TC2N: variants seen among roughly 807,000 people sequenced by gnomAD.
TC2N encodes the protein tandem C2 domains, nuclear, also known as tandem C2 domains nuclear protein.
In TC2N, 51 loss-of-function variants were observed where a neutral mutation model predicts 61.9. That is an observed-to-expected ratio of 0.82 (90% CI 0.66 to 1.04). The LOEUF is 1.04. Ranked by LOEUF, TC2N falls within the 50% of genes least tolerant of loss-of-function variation. The pLI, the probability that TC2N is intolerant of heterozygous loss-of-function variation, is 0.00. For synonymous variants in TC2N, 204 were observed against 192.6 expected (o/e 1.06, Z -0.49); for missense variants, 556 against 566.7 (o/e 0.98, Z 0.19).
At position 91,798,294 on chromosome 14, in the gene TC2N, T is replaced by C; in HGVS notation, c.738+5A>G. ...TAAAAGCTGGTATTAACTATACTAA[T>C]TTACCTGTAAAACTGTGATCCAGAT... On this transcript the variant is annotated splice_donor_5th_base_variant and intron_variant, in intron 7 of 11. Coordinates refer to ENST00000435962, the MANE Select transcript of TC2N (RefSeq NM_001128596.3). 6.9e-7 allele frequency: 1 copy of C among 1,443,468 alleles called. No homozygotes were observed. The highest frequency in any genetic ancestry group is 9.5e-7 in the Non-Finnish European group (1 of 1,047,220). The allele number at this position is 1,443,468 out of a possible 1,614,324, so 89.4% of individuals were successfully genotyped here. A position where few individuals can be genotyped will look rare whatever the true frequency, so the allele number is the denominator to read the frequency against.
At position 91,818,947 on chromosome 14, in the gene TC2N, G is replaced by A. The variant is rs149772813; in HGVS notation, c.-56-5122C>T. On this transcript the variant is annotated intron_variant, in intron 1 of 11. Coordinates refer to ENST00000435962, the MANE Select transcript of TC2N (RefSeq NM_001128596.3). ...AGTCCACAAAGAAGACTGGGGATAG[G>A]GGGGAGGGCATATTTGAAGAAATAA... Among the ~76,000 whole-genome samples, 17 of 152,110 alleles carry A rather than the reference G, an allele frequency of 1.1e-4. No homozygotes were observed. In the East Asian group the frequency reaches 1.5e-3, roughly 14 times the overall value.
Position 91,779,988 on chromosome 14 carries a change from T to C in TC2N, c.*3112A>G, listed in dbSNP as rs1885015782. 2.0e-5 allele frequency: 3 copies of C among 152,158 alleles called. No homozygotes were observed. The allele number at this position is 152,158 out of a possible 1,614,324, so 9.4% of individuals were successfully genotyped here. On this transcript the variant is annotated 3_prime_UTR_variant, in exon 12 of 12. Coordinates refer to ENST00000435962, the MANE Select transcript of TC2N (RefSeq NM_001128596.3). ...TTAAATCTATATTTCAAAATGAACA[T>C]GGTACTTCATATGGGCCCACTTTTC... is the stretch of plus-strand genomic sequence containing the variant.
intron 3 of TC2N, among the ~76,000 whole-genome samples, chr14:91,805,755 T>C (rs1273088532): frequency 6.6e-6 from 1 of 152,206 alleles, no homozygotes; most frequent in Admixed American, 6.5e-5. Context: ...AAATTTAGTA[T>C]ATCCTAAGGG....
At position 91,802,446 on chromosome 14, in the gene TC2N, T is replaced by G. The variant is rs367652624; in HGVS notation, c.302-25A>C. On this transcript the variant is annotated intron_variant, in intron 3 of 11. Transcript: ENST00000435962. ...CCTGAAAGCAAATGTTTCTAAAAGTTTATAACATCCTTTTCTTGGAGTTAT... is the reference window on the plus strand; with the variant it reads ...CCTGAAAGCAAATGTTTCTAAAAGTGTATAACATCCTTTTCTTGGAGTTAT... 1.3e-4 allele frequency: 216 copies of G among 1,605,104 alleles called. 1 individual carries two copies. In the African/African-American group the frequency reaches 2.6e-3, roughly 19 times the overall value.
intron 3 of TC2N, among the ~76,000 whole-genome samples, chr14:91,809,053 C>A (rs951396129): frequency 3.3e-5 from 5 of 152,082 alleles, no homozygotes; most frequent in Non-Finnish European, 7.4e-5. Context: ...TTGAGAAACA[C>A]TATTGATATG....
chr14:91,803,636 A>AGAGAT (rs1297823398), intron 3 of TC2N, among the ~76,000 whole-genome samples: 1 of 152,004 alleles, frequency 6.6e-6, no homozygotes, highest in Non-Finnish European at 1.5e-5. Flanking sequence ...TATTTTTAGT[A>AGAGAT]GAGATGGGGT....
Position 91,798,339 on chromosome 14 carries a change from TA to T in TC2N, c.697del (p.Tyr233IlefsTer5), listed in dbSNP as rs1385850211. 1 of 1,596,078 alleles carries T rather than the reference TA, an allele frequency of 6.3e-7. No homozygotes were observed. Among genetic ancestry groups the T allele is most frequent in the South Asian group, 1.1e-5 (1 of 88,854 alleles). On this transcript the variant is annotated frameshift_variant, in exon 7 of 12. Coordinates refer to ENST00000435962, the MANE Select transcript of TC2N (RefSeq NM_001128596.3). LOFTEE classifies it high-confidence loss of function. ...DFGRLNVKLF[Y>X]NSSVEQIWIT... The stretch of plus-strand genomic sequence containing the variant: ...CCAGATCTGTTCTACTGAAGAATTA[TA>T]AAACAATTTCACATTCAGTCTCCCA...
At chr14:91,805,667 A>G (rs1232473292) in intron 3 of TC2N, among the ~76,000 whole-genome samples, 1 of 152,254 alleles carries the variant, frequency 6.6e-6, no homozygotes, top group Admixed American at 6.5e-5. Context: ...CCGTTTCAAA[A>G]AAAAAAAAGT....
intron 8 of TC2N, among the ~76,000 whole-genome samples, chr14:91,795,056 G>GT (rs1885832344): frequency 6.6e-6 from 1 of 152,164 alleles, no homozygotes; most frequent in Non-Finnish European, 1.5e-5. Context: ...GGCAGAGGAA[G>GT]TAATTGCAGA....
intron 5 of TC2N, 95 bp from the exon 6 acceptor site, chr14:91,799,159 A>G: frequency 1.4e-6 from 1 of 730,860 alleles, no homozygotes; most frequent in Non-Finnish European, 2.2e-6. Flanking sequence ...AACAAACTGC[A>G]TGCTAACTAT....
intron 1 of TC2N, among the ~76,000 whole-genome samples, chr14:91,865,292 G>A (rs1322346813): frequency 6.7e-6 from 1 of 150,346 alleles, no homozygotes; most frequent in Non-Finnish European, 1.5e-5. Context: ...CATTCTAACT[G>A]GAGGCTTTCA....
At chr14:91,814,056 G>GA (rs372400811) in intron 1 of TC2N, among the ~76,000 whole-genome samples, 204 of 147,000 alleles carry the variant, frequency 1.4e-3, no homozygotes, top group African/African-American at 4.4e-3. Context: ...TTAAAATCTG[G>GA]AAAAAAAAAG....
intron 1 of TC2N, among the ~76,000 whole-genome samples, chr14:91,852,779 T>C (rs192729260): frequency 1.3e-5 from 2 of 151,784 alleles, no homozygotes; most frequent in Admixed American, 1.3e-4. Context: ...CAGAAGAACA[T>C]GGGGTAGAGT....
intron 3 of TC2N, among the ~76,000 whole-genome samples, chr14:91,805,258 A>G (rs1886455533): frequency 6.6e-6 from 1 of 152,186 alleles, no homozygotes; most frequent in Non-Finnish European, 1.5e-5. Flanking sequence ...AGTAAAAAAA[A>G]AAGTTTTTAA....
rs535149946 is a variant in TC2N, at chr14:91,798,630, G to C, written c.638-231C>G. Among the ~76,000 whole-genome samples the C allele has an allele frequency of 2.0e-5, 3 of 152,070 alleles. No homozygotes were observed. The East Asian group carries it at 5.8e-4, about 29-fold the overall frequency. On this transcript the variant is annotated intron_variant, in intron 6 of 11. Coordinates refer to ENST00000435962, the MANE Select transcript of TC2N (RefSeq NM_001128596.3). The stretch of plus-strand genomic sequence containing the variant: ...GTTTTAAAAACTTAACCTAATTGCA[G>C]TGAGGGATTTAAATTAAAACTAAGA...
chr14:91,791,933 A>G (rs1885677027), intron 9 of TC2N, among the ~76,000 whole-genome samples: 1 of 151,880 alleles, frequency 6.6e-6, no homozygotes, highest in Non-Finnish European at 1.5e-5. Flanking sequence ...TGGCTAACAC[A>G]GTGAAACCCC....
intron 8 of TC2N, among the ~76,000 whole-genome samples, chr14:91,794,266 G>T (rs1337494119): frequency 6.6e-6 from 1 of 152,218 alleles, no homozygotes; most frequent in Non-Finnish European, 1.5e-5. Context: ...GAAGCAGCAA[G>T]TGCTAATGTA....
At chr14:91,838,591 G>A (rs530315982) in intron 1 of TC2N, among the ~76,000 whole-genome samples, 1 of 152,366 alleles carries the variant, frequency 6.6e-6, no homozygotes, top group South Asian at 2.1e-4. Flanking sequence ...ATTGAAATGT[G>A]CTGAATGAAT....
intron 1 of TC2N, among the ~76,000 whole-genome samples, chr14:91,814,881 A>T (rs1886941871): frequency 6.6e-6 from 1 of 151,704 alleles, no homozygotes; most frequent in African/African-American, 2.4e-5. Flanking sequence ...TATGTCAGGT[A>T]ATGCAGATGT....
Sources: gnomAD v4.1 joint callset for allele counts (sites outside exome capture counted in the v4.1 genomes callset) on GRCh38, gnomAD v4.1.1 for gene constraint, MANE v1.5 for transcripts, NCBI Gene and HGNC (gene_info 2026-07-23, HGNC 2026-07-21) for gene names.